Variants in FAM20A observed in about 807,000 individuals in gnomAD.
The protein encoded by FAM20A is FAM20A golgi associated secretory pathway pseudokinase.
A neutral mutation model predicts 52.0 loss-of-function variants in FAM20A; 42 were observed. That is an observed-to-expected ratio of 0.81 (90% CI 0.63 to 1.04). FAM20A has a LOEUF of 1.04. Among genes scored for constraint, FAM20A ranks in the 50% least tolerant of loss-of-function variants. The probability of loss-of-function intolerance (pLI) is 0.00; values close to 1 mark genes in which losing one functional copy is unlikely to be tolerated. For synonymous variants in FAM20A, 304 were observed against 298.9 expected (o/e 1.02, Z -0.18); for missense variants, 742 against 712.7 (o/e 1.04, Z -0.47).
intron 1 of FAM20A, among the ~76,000 whole-genome samples, chr17:68,560,396 G>A (rs1382651477): frequency 6.6e-6 from 1 of 151,402 alleles, no homozygotes; most frequent in Non-Finnish European, 1.5e-5. Flanking sequence ...CTCCCACTAT[G>A]TGAAGAGAGA....
Position 68,601,155 on chromosome 17 carries a change from C to CCTCCTG in FAM20A, c.-495_-490dup, listed in dbSNP as rs995594996. ...GGCGGCTGCTAGTGCTCCCGCGACT[C>CCTCCTG]CTCCTGCGGGCGGCGGAGACGCCAG... On this transcript the variant is annotated 5_prime_UTR_variant, in exon 1 of 11. Transcript: ENST00000592554. The CCTCCTG allele has an allele frequency of 3.3e-5, 5 of 152,396 alleles. No homozygotes were observed. The highest frequency in any genetic ancestry group is 1.2e-4 in the African/African-American group (5 of 41,464). 9.4% of individuals were successfully genotyped at this position (152,396 alleles called of 1,614,324 possible). A position where few individuals can be genotyped will look rare whatever the true frequency, so the allele number is the denominator to read the frequency against.
intron 1 of FAM20A, 30 bp from the exon 2 acceptor site, chr17:68,555,773 G>A: frequency 6.2e-7 from 1 of 1,611,960 alleles, no homozygotes; most frequent in Non-Finnish European, 8.5e-7. Flanking sequence ...GTTCATTAGA[G>A]GAACAAGAAT....
chr17:68,597,435 A>G (rs904710569), intron 1 of FAM20A, among the ~76,000 whole-genome samples: 1 of 151,524 alleles, frequency 6.6e-6, no homozygotes, highest in Non-Finnish European at 1.5e-5. Flanking sequence ...CCCAGGCTGG[A>G]GTAGAGTGGC....
intron 8 of FAM20A, 53 bp from the exon 9 acceptor site, chr17:68,540,019 C>T (rs1041698341): frequency 2.0e-6 from 3 of 1,519,130 alleles, no homozygotes; most frequent in East Asian, 2.3e-5. Context: ...GGGACAGGTG[C>T]TCCTGACCTG....
intron 4 of FAM20A, among the ~76,000 whole-genome samples, chr17:68,548,967 C>G (rs529643858): frequency 1.3e-5 from 2 of 151,856 alleles, no homozygotes. Flanking sequence ...CTCCTGACCT[C>G]GTGATCTGCC....
chr17:68,554,865 T>C, intron 2 of FAM20A, 38 bp from the exon 3 acceptor site: 1 of 1,609,084 alleles, frequency 6.2e-7, no homozygotes. Flanking sequence ...ACTTCCAGTC[T>C]TGTTCCTGGG....
At position 68,573,457 on chromosome 17, in the gene FAM20A, TTCTTTCTTTCTTTCTTTC is replaced by T. The variant is rs2087626229; in HGVS notation, c.405-17732_405-17715del. ...TTCTCTTTCTTTCTTTCTTTCTTTC[TTCTTTCTTTCTTTCTTTC>T]TCTTTCTTTCTTTCCTTTCTTTCTC... On this transcript the variant is annotated intron_variant, in intron 1 of 10. Transcript: ENST00000592554. Among the ~76,000 whole-genome samples, 3 of 43,694 alleles carry T rather than the reference TTCTTTCTTTCTTTCTTTC, an allele frequency of 6.9e-5. No homozygotes were observed. In the South Asian group the frequency reaches 2.1e-3, roughly 30 times the overall value. The allele number at this position is 43,694 out of a possible 152,430, so 28.7% of individuals were successfully genotyped here. A position where few individuals can be genotyped will look rare whatever the true frequency, so the allele number is the denominator to read the frequency against.
At chr17:68,562,703 T>A (rs999579491) in intron 1 of FAM20A, among the ~76,000 whole-genome samples, 3 of 151,882 alleles carry the variant, frequency 2.0e-5, no homozygotes, top group African/African-American at 7.3e-5. Flanking sequence ...TGTACTTGCA[T>A]GATCTGTGAC....
intron 1 of FAM20A, among the ~76,000 whole-genome samples, chr17:68,585,904 C>G (rs1462105231): frequency 1.3e-5 from 2 of 152,184 alleles, no homozygotes; most frequent in East Asian, 1.9e-4. Context: ...ACAGTGTCCT[C>G]TCTTGGAGGA....
intron 1 of FAM20A, among the ~76,000 whole-genome samples, chr17:68,585,916 G>A (rs1295394274): frequency 6.6e-6 from 1 of 152,196 alleles, no homozygotes. Context: ...CTTGGAGGAG[G>A]TGAGGCGAGA....
At chr17:68,570,139 G>A (rs1038966626) in intron 1 of FAM20A, among the ~76,000 whole-genome samples, 1 of 152,152 alleles carries the variant, frequency 6.6e-6, no homozygotes, top group Non-Finnish European at 1.5e-5. Flanking sequence ...GCAGTGGCAT[G>A]ATCTCAGCTC....
At chr17:68,591,663 G>C (rs373475696) in intron 1 of FAM20A, 1 of 152,282 alleles carries the variant, frequency 6.6e-6, no homozygotes, top group East Asian at 1.9e-4. Context: ...CAACCGGACT[G>C]CTGGTCCCAG....
intron 1 of FAM20A, chr17:68,582,354 GA>G (rs1185321969): frequency 1.3e-5 from 2 of 152,178 alleles, no homozygotes; most frequent in African/African-American, 4.8e-5. Flanking sequence ...TGATGGAGGA[GA>G]GATCAATATG....
intron 1 of FAM20A, among the ~76,000 whole-genome samples, chr17:68,596,967 C>T (rs954716695): frequency 2.6e-5 from 4 of 152,222 alleles, no homozygotes; most frequent in Non-Finnish European, 4.4e-5. Flanking sequence ...TAAAAATCAA[C>T]ACATCTTCCC....
rs1600517640 is a variant in FAM20A at position 68,539,866 on chromosome 17, C to T, written c.1301+19G>A. The stretch of plus-strand genomic sequence containing the variant: ...ACATCTGGGAGAGGGGATTGTTGAA[C>T]ACACGTGGGGAAGCTCACCCTCTGG... On this transcript the variant is annotated intron_variant, in intron 9 of 10. Coordinates refer to ENST00000592554, the MANE Select transcript of FAM20A (RefSeq NM_017565.4). The T allele has an allele frequency of 1.9e-6, 3 of 1,612,650 alleles. No homozygotes were observed. The highest frequency in any genetic ancestry group is 2.5e-6 in the Non-Finnish European group (3 of 1,178,780).
At chr17:68,564,001 G>A (rs2087299800) in intron 1 of FAM20A, among the ~76,000 whole-genome samples, 1 of 152,206 alleles carries the variant, frequency 6.6e-6, no homozygotes, top group Non-Finnish European at 1.5e-5. Flanking sequence ...TGCACAGCAA[G>A]TCGAACAAGA....
intron 1 of FAM20A, among the ~76,000 whole-genome samples, chr17:68,589,222 A>G (rs952528534): frequency 6.6e-6 from 1 of 152,192 alleles, no homozygotes; most frequent in Non-Finnish European, 1.5e-5. Context: ...CAAGATCACC[A>G]TTCCAGCCCA....
chr17:68,549,532 A>G (rs1186731314), intron 4 of FAM20A, among the ~76,000 whole-genome samples: 1 of 151,452 alleles, frequency 6.6e-6, no homozygotes, highest in Non-Finnish European at 1.5e-5. Context: ...CTATTGTGCC[A>G]CATAAAAATT....
chr17:68,556,830 T>C (rs750836275), intron 1 of FAM20A, among the ~76,000 whole-genome samples: 25 of 152,232 alleles, frequency 1.6e-4, no homozygotes, highest in Admixed American at 3.9e-4. Context: ...TTGCAGTTCC[T>C]ATATATCCCT....
Sources: allele counts gnomAD v4.1 joint callset (sites outside exome capture counted in the v4.1 genomes callset), GRCh38; gene constraint gnomAD v4.1.1; transcripts MANE v1.5; gene names NCBI Gene and HGNC (gene_info 2026-07-23, HGNC 2026-07-21).